EPM2A: variants seen among roughly 807,000 people sequenced by gnomAD.
EPM2A encodes laforin.
EPM2A carries 21 observed loss-of-function variants against 26.5 expected under a neutral mutation model. That is an observed-to-expected ratio of 0.79 (90% CI 0.56 to 1.14). The LOEUF is 1.14. Ranked by LOEUF, EPM2A falls within the 50% of genes most tolerant of loss-of-function variation. The pLI, the probability that EPM2A is intolerant of heterozygous loss-of-function variation, is 0.00. For synonymous variants in EPM2A, 217 were observed against 177.6 expected (o/e 1.22, Z -1.76); for missense variants, 458 against 440.8 (o/e 1.04, Z -0.35).
At chr6:145,508,321 T>C (rs982606798) in intron 2 of EPM2A, among the ~76,000 whole-genome samples, 1 of 152,192 alleles carries the variant, frequency 6.6e-6, no homozygotes, top group African/African-American at 2.4e-5. Flanking sequence ...TTTCTGCCCA[T>C]GCTAAGGGTA....
intron 1 of EPM2A, among the ~76,000 whole-genome samples, chr6:145,707,696 G>A (rs533937542): frequency 6.6e-6 from 1 of 152,194 alleles, no homozygotes; most frequent in African/African-American, 2.4e-5. Flanking sequence ...CCTCAGCCAT[G>A]CGGAACTGTG....
intron 3 of EPM2A, chr6:145,631,182 G>A (rs963736717): frequency 6.6e-6 from 1 of 151,848 alleles, no homozygotes; most frequent in Non-Finnish European, 1.5e-5. Flanking sequence ...CCCATTCTAG[G>A]AAGTCTAACC....
At chr6:145,422,091 A>AGG (rs1778795725) in intron 4 of EPM2A, among the ~76,000 whole-genome samples, 2 of 145,588 alleles carry the variant, frequency 1.4e-5, no homozygotes, top group South Asian at 4.3e-4. Flanking sequence ...AGAGAGAGAG[A>AGG]GATAATATAT....
intron 4 of EPM2A, among the ~76,000 whole-genome samples, chr6:145,432,264 C>A (rs1778931958): frequency 1.3e-5 from 2 of 152,170 alleles, no homozygotes; most frequent in African/African-American, 4.8e-5. Flanking sequence ...AGAATGAACT[C>A]TTTCCAGAAG....
intron 2 of EPM2A, among the ~76,000 whole-genome samples, chr6:145,669,525 G>T (rs1241088722): frequency 6.6e-6 from 1 of 152,122 alleles, no homozygotes; most frequent in Non-Finnish European, 1.5e-5. Flanking sequence ...TGTGTTCACT[G>T]ACCCTAATAT....
chr6:145,693,875 T>A (rs558645242), intron 1 of EPM2A, among the ~76,000 whole-genome samples: 1 of 152,062 alleles, frequency 6.6e-6, no homozygotes, highest in African/African-American at 2.4e-5. Flanking sequence ...TTAGGTGATT[T>A]CAAACGAAGT....
intron 4 of EPM2A, among the ~76,000 whole-genome samples, chr6:145,393,324 A>G (rs1778362280): frequency 6.6e-6 from 1 of 152,172 alleles, no homozygotes; most frequent in Non-Finnish European, 1.5e-5. Context: ...AGCCCCATCT[A>G]AGGAGCAAAA....
intron 2 of EPM2A, among the ~76,000 whole-genome samples, chr6:145,614,478 T>C (rs1310580494): frequency 6.6e-6 from 1 of 152,260 alleles, no homozygotes; most frequent in African/African-American, 2.4e-5. Context: ...AAGGCCTAGC[T>C]TTCAGCTGAC....
chr6:145,596,968 C>T (rs188660363), intron 2 of EPM2A, among the ~76,000 whole-genome samples: 4,867 of 142,244 alleles, frequency 0.034, 181 homozygotes, highest in East Asian at 0.19. Flanking sequence ...AATCTCGGCT[C>T]ACTGCAAGCT....
At chr6:145,430,080 T>A (rs990783855) in intron 4 of EPM2A, among the ~76,000 whole-genome samples, 1 of 151,634 alleles carries the variant, frequency 6.6e-6, no homozygotes, top group Non-Finnish European at 1.5e-5. Context: ...TAATCCCAGC[T>A]ACTCGGAAGG....
At chr6:145,495,622 G>A (rs1371361608) in intron 4 of EPM2A, among the ~76,000 whole-genome samples, 1 of 152,120 alleles carries the variant, frequency 6.6e-6, no homozygotes, top group Non-Finnish European at 1.5e-5. Flanking sequence ...CTGTCATCCA[G>A]GCTGGAGTGC....
chr6:145,479,444 T>G (rs1430324647), intron 4 of EPM2A, among the ~76,000 whole-genome samples: 1 of 151,682 alleles, frequency 6.6e-6, no homozygotes, highest in Non-Finnish European at 1.5e-5. Context: ...GCAACAACTA[T>G]GTATTCCCAT....
chr6:145,685,746 T>C (rs751545856), intron 2 of EPM2A, among the ~76,000 whole-genome samples: 30 of 152,216 alleles, frequency 2.0e-4, no homozygotes, highest in Non-Finnish European at 7.4e-5. Context: ...TGGATAAGAT[T>C]GTATAAGGAA....
intron 2 of EPM2A, among the ~76,000 whole-genome samples, chr6:145,567,826 C>G (rs1269553660): frequency 6.6e-6 from 1 of 152,220 alleles, no homozygotes; most frequent in Non-Finnish European, 1.5e-5. Flanking sequence ...ATCACTCTCT[C>G]AGAGTCTGAC....
At chr6:145,479,784 T>G (rs1390399542) in intron 4 of EPM2A, among the ~76,000 whole-genome samples, 1 of 152,074 alleles carries the variant, frequency 6.6e-6, no homozygotes, top group African/African-American at 2.4e-5. Context: ...GCAGTTGAGT[T>G]GATGAGTCAT....
intron 4 of EPM2A, among the ~76,000 whole-genome samples, chr6:145,438,528 C>T (rs1035176419): frequency 7.1e-6 from 1 of 140,956 alleles, no homozygotes. Flanking sequence ...GGCTGGAGTG[C>T]AGTGTCATCA....
Position 145,627,277 on chromosome 6 carries a change from T to C in EPM2A, c.*139A>G. On this transcript the variant is annotated 3_prime_UTR_variant, in exon 4 of 4. Coordinates refer to ENST00000367519, the MANE Select transcript of EPM2A (RefSeq NM_005670.4). ...CAAAACAAAGCATAATCGAAAGTCA[T>C]CCCAGGTGAAAGTGGTTGGCTTGGG... 2.6e-6 allele frequency: 4 copies of C among 1,560,658 alleles called. No homozygotes were observed. Among genetic ancestry groups the C allele is most frequent in the African/African-American group, 2.7e-5 (2 of 73,178 alleles).
At chr6:145,508,211 G>A (rs1432904659) in intron 2 of EPM2A, among the ~76,000 whole-genome samples, 3 of 152,210 alleles carry the variant, frequency 2.0e-5, no homozygotes, top group Non-Finnish European at 2.9e-5. Flanking sequence ...CCTGGGGAGT[G>A]TGGACTGACA....
chr6:145,409,865 T>C (rs1778620949), intron 4 of EPM2A, among the ~76,000 whole-genome samples: 1 of 152,192 alleles, frequency 6.6e-6, no homozygotes, highest in African/African-American at 2.4e-5. Flanking sequence ...CATATTGACC[T>C]CTCCATAGGG....
Sources: gnomAD v4.1 joint callset for allele counts (sites outside exome capture counted in the v4.1 genomes callset) on GRCh38, gnomAD v4.1.1 for gene constraint, MANE v1.5 for transcripts, NCBI Gene and HGNC (gene_info 2026-07-23, HGNC 2026-07-21) for gene names.